The following TBC1D1 variants were observed in gnomAD, a reference collection of about 807,000 sequenced individuals.
TBC1D1 encodes the protein TBC1 domain family member 1.
Under a neutral mutation model 125.6 loss-of-function variants are expected in TBC1D1, and 89 were observed. The ratio of observed to expected loss-of-function variants is 0.71; its 90% CI spans 0.60 to 0.85. The LOEUF is 0.85. Among genes scored for constraint, TBC1D1 ranks in the 40% least tolerant of loss-of-function variants. The probability of loss-of-function intolerance (pLI) is 0.00; values close to 1 mark genes in which losing one functional copy is unlikely to be tolerated. For missense variants in TBC1D1, 1,377 were observed against 1,469.2 expected (o/e 0.94, Z 1.03); for synonymous variants, 565 against 564.1 (o/e 1.00, Z -0.02).
chr4:38,092,935 T>A (rs1758672438), intron 13 of TBC1D1, among the ~76,000 whole-genome samples: 1 of 151,730 alleles, frequency 6.6e-6, no homozygotes, highest in Admixed American at 6.6e-5. Context: ...AATGTGCACA[T>A]CTTTGAGATG....
At chr4:38,112,307 G>A (rs1372225929) in intron 15 of TBC1D1, among the ~76,000 whole-genome samples, 4 of 152,222 alleles carry the variant, frequency 2.6e-5, no homozygotes, top group Non-Finnish European at 4.4e-5. Context: ...TATGTGCAGT[G>A]TTATAGTTAA....
At chr4:37,929,839 A>G (rs184198632) in intron 2 of TBC1D1, among the ~76,000 whole-genome samples, 1 of 152,324 alleles carries the variant, frequency 6.6e-6, no homozygotes, top group African/African-American at 2.4e-5. Context: ...TCTTTTGGTC[A>G]GGGGATGCTA....
In TBC1D1 at chr4:37,947,434, G is replaced by A. The variant is rs562812304; in HGVS notation, c.417+44922G>A. Among the ~76,000 whole-genome samples, 83 of 152,202 alleles carry A rather than the reference G, an allele frequency of 5.5e-4. 1 individual carries two copies. The highest frequency in any genetic ancestry group is 3.4e-3 in the Middle Eastern group (1 of 292). On this transcript the variant is annotated intron_variant, in intron 2 of 19. Coordinates refer to ENST00000261439, the MANE Select transcript of TBC1D1 (RefSeq NM_015173.4). ...GGTCTCCCAAAGTGCTGAGATTACA[G>A]GCATGAGCCACCATGCCCGGCCTAT... is the stretch of plus-strand genomic sequence containing the variant.
At chr4:38,073,344 C>T (rs1471903441) in intron 12 of TBC1D1, among the ~76,000 whole-genome samples, 1 of 152,158 alleles carries the variant, frequency 6.6e-6, no homozygotes, top group African/African-American at 2.4e-5. Context: ...CTGTGTTGGG[C>T]CTGGATGTTT....
intron 15 of TBC1D1, among the ~76,000 whole-genome samples, chr4:38,109,964 A>T (rs1761953287): frequency 6.6e-6 from 1 of 152,148 alleles, no homozygotes; most frequent in African/African-American, 2.4e-5. Context: ...TGCAGAGGAG[A>T]TAGAGGGTCG....
rs377248511 is a variant in TBC1D1, at chr4:38,096,925, G to A, written c.2398+835G>A. Among the ~76,000 whole-genome samples, 15 of 152,144 alleles carry A rather than the reference G, an allele frequency of 9.9e-5. No homozygotes were observed. In the South Asian group the frequency reaches 2.3e-3, roughly 23 times the overall value. ...ATGCTTCACAGATAGTTTGAGAACC[G>A]CTATTTTGAAGCTTACCTTCAGTCA... On this transcript the variant is annotated intron_variant, in intron 14 of 19. Transcript: ENST00000261439.
intron 8 of TBC1D1, among the ~76,000 whole-genome samples, chr4:38,040,089 A>G (rs1158733622): frequency 6.6e-6 from 1 of 152,192 alleles, no homozygotes; most frequent in East Asian, 1.9e-4. Flanking sequence ...TTTTTTAAAC[A>G]TTTTATTTTA....
intron 2 of TBC1D1, among the ~76,000 whole-genome samples, chr4:37,909,154 C>T (rs1754702041): frequency 1.3e-5 from 2 of 152,134 alleles, no homozygotes. Flanking sequence ...GTAAGCACAT[C>T]GCCTTTCCCA....
chr4:38,067,726 C>A (rs1428268769), intron 12 of TBC1D1, among the ~76,000 whole-genome samples: 1 of 152,212 alleles, frequency 6.6e-6, no homozygotes, highest in African/African-American at 2.4e-5. Flanking sequence ...GTTTCCCTAA[C>A]ACCGAAGGCT....
chr4:38,050,361 G>A (rs956390212), intron 11 of TBC1D1, among the ~76,000 whole-genome samples: 8 of 152,194 alleles, frequency 5.3e-5, no homozygotes, highest in African/African-American at 1.7e-4. Flanking sequence ...TGAACTAATT[G>A]TGACCTGGAC....
At chr4:38,079,541 G>A (rs192450600) in intron 12 of TBC1D1, among the ~76,000 whole-genome samples, 4 of 152,040 alleles carry the variant, frequency 2.6e-5, no homozygotes, top group African/African-American at 9.6e-5. Flanking sequence ...CTTGGTCAAC[G>A]TGGTGAAACC....
chr4:38,054,065 T>C (rs1033586616), intron 11 of TBC1D1, 134 bp from the exon 14 acceptor site: 6 of 982,990 alleles, frequency 6.1e-6, no homozygotes, highest in South Asian at 4.6e-5. Context: ...GAGCTTGATA[T>C]AACTTCTGTG....
chr4:37,989,067 A>C (rs2152383938), intron 2 of TBC1D1, among the ~76,000 whole-genome samples: 1 of 152,344 alleles, frequency 6.6e-6, no homozygotes, highest in Non-Finnish European at 1.5e-5. Flanking sequence ...GCTGTCTCTT[A>C]TGGGGAAAAT....
intron 2 of TBC1D1, among the ~76,000 whole-genome samples, chr4:38,010,463 AGCTTAGAC>A (rs1477660573): frequency 6.6e-6 from 1 of 152,132 alleles, no homozygotes; most frequent in Non-Finnish European, 1.5e-5. Context: ...GCTCATGTCC[AGCTTAGAC>A]TCCCTGTCTT....
At chr4:37,954,896 T>TTTC (rs375927168) in intron 2 of TBC1D1, among the ~76,000 whole-genome samples, 6,244 of 147,458 alleles carry the variant, frequency 0.042, 256 homozygotes, top group Non-Finnish European at 0.069. Flanking sequence ...AGTCTTTTTT[T>TTTC]TTTTTTTTGA....
At chr4:37,907,764 C>T (rs924344266) in intron 2 of TBC1D1, among the ~76,000 whole-genome samples, 1 of 152,172 alleles carries the variant, frequency 6.6e-6, no homozygotes, top group Non-Finnish European at 1.5e-5. Context: ...TCTGCCCAGA[C>T]TCAGACCTAG....
At chr4:38,109,723 G>A (rs1761924662) in intron 15 of TBC1D1, among the ~76,000 whole-genome samples, 1 of 152,164 alleles carries the variant, frequency 6.6e-6, no homozygotes, top group African/African-American at 2.4e-5. Context: ...CTGCCATTCA[G>A]GATGATTCCC....
At chr4:37,903,691 T>C (rs1716663400) in intron 2 of TBC1D1, among the ~76,000 whole-genome samples, 1 of 152,210 alleles carries the variant, frequency 6.6e-6, no homozygotes, top group Admixed American at 6.5e-5. Flanking sequence ...GCCCTTTTGC[T>C]TGTTCATTTG....
intron 2 of TBC1D1, among the ~76,000 whole-genome samples, chr4:37,948,851 A>G (rs1727268563): frequency 6.6e-6 from 1 of 152,114 alleles, no homozygotes; most frequent in Non-Finnish European, 1.5e-5. Context: ...TGAACATTTC[A>G]CATGAATAGA....
Sources: allele counts gnomAD v4.1 joint callset (sites outside exome capture counted in the v4.1 genomes callset), GRCh38; gene constraint gnomAD v4.1.1; transcripts MANE v1.5; gene names NCBI Gene and HGNC (gene_info 2026-07-23, HGNC 2026-07-21).